PDE4D: variants seen among roughly 807,000 people sequenced by gnomAD.
PDE4D encodes the protein phosphodiesterase 4D, also known as 3',5'-cyclic-AMP phosphodiesterase 4D.
PDE4D carries 24 observed loss-of-function variants against 87.4 expected under a neutral mutation model. The ratio of observed to expected loss-of-function variants is 0.27; its 90% CI spans 0.20 to 0.39. The LOEUF is 0.39. Among genes scored for constraint, PDE4D ranks in the 10% least tolerant of loss-of-function variants. The pLI is 1.00. For missense variants in PDE4D, 714 were observed against 1,041.0 expected (o/e 0.69, Z 4.32); for synonymous variants, 384 against 383.2 (o/e 1.00, Z -0.02).
intron 1 of PDE4D, among the ~76,000 whole-genome samples, chr5:59,284,011 T>C (rs1014854993): frequency 3.9e-5 from 6 of 152,244 alleles, no homozygotes; most frequent in Non-Finnish European, 7.4e-5. Flanking sequence ...CTCCCAGGGT[T>C]CCTCTGGGAT....
At chr5:60,099,310 T>C (rs567804921) in intron 2 of PDE4D, among the ~76,000 whole-genome samples, 3 of 152,076 alleles carry the variant, frequency 2.0e-5, no homozygotes, top group African/African-American at 7.2e-5. Context: ...GCCTGGAGCA[T>C]TTGAGCCTCA....
chr5:60,014,218 T>C (rs1226160375), intron 2 of PDE4D, among the ~76,000 whole-genome samples: 2 of 152,056 alleles, frequency 1.3e-5, no homozygotes, highest in Admixed American at 6.6e-5. Context: ...ACTGAAACTT[T>C]CTTGGACCAT....
chr5:59,307,055 G>A lies in PDE4D; in HGVS notation c.456-91087C>T, dbSNP rs1405414630. On this transcript the variant is annotated intron_variant, in intron 1 of 14. Transcript: ENST00000340635. ...GAACAGAGCCCTCAGAAATAATGCC[G>A]CATATCTACAACTATCTGATCTTTG... Among the ~76,000 whole-genome samples the A allele has an allele frequency of 7.0e-4, 64 of 91,094 alleles. 11 individuals are homozygous for A. Among genetic ancestry groups the A allele is most frequent in the East Asian group, 3.2e-3 (8 of 2,524 alleles). 59.8% of individuals were successfully genotyped at this position (91,094 alleles called of 152,430 possible).
At chr5:59,784,634 A>C (rs950579468) in intron 1 of PDE4D, among the ~76,000 whole-genome samples, 1 of 152,214 alleles carries the variant, frequency 6.6e-6, no homozygotes, top group African/African-American at 2.4e-5. Context: ...ACAAATGTAC[A>C]ATCAGTCATT....
chr5:59,613,050 G>A (rs1829206698), intron 1 of PDE4D, among the ~76,000 whole-genome samples: 1 of 152,186 alleles, frequency 6.6e-6, no homozygotes, highest in African/African-American at 2.4e-5. Context: ...CTCTGCTGAG[G>A]GGTGCAAAAC....
chr5:59,276,056 T>G (rs982130890), intron 1 of PDE4D: 2 of 976,144 alleles, frequency 2.0e-6, no homozygotes, highest in Non-Finnish European at 2.4e-6. Context: ...AGGCAGAAAC[T>G]ATTCCTCAAG....
intron 1 of PDE4D, among the ~76,000 whole-genome samples, chr5:59,312,135 C>T (rs973741856): frequency 1.3e-5 from 2 of 152,204 alleles, no homozygotes; most frequent in African/African-American, 4.8e-5. Flanking sequence ...GCCAACTGAA[C>T]TCGTCCAGGT....
chr5:59,666,221 A>G (rs1393276071), intron 1 of PDE4D, among the ~76,000 whole-genome samples: 1 of 152,148 alleles, frequency 6.6e-6, no homozygotes, highest in Non-Finnish European at 1.5e-5. Context: ...TCGGCCTTCC[A>G]AAGTGCTGAG....
At chr5:59,617,893 A>G (rs1054120493) in intron 1 of PDE4D, among the ~76,000 whole-genome samples, 4 of 152,162 alleles carry the variant, frequency 2.6e-5, no homozygotes, top group African/African-American at 7.2e-5. Context: ...TACCATACCA[A>G]TGAAGTGCTT....
At chr5:60,188,374 G>A (rs763678619) in intron 1 of PDE4D, 1 of 152,120 alleles carries the variant, frequency 6.6e-6, no homozygotes, top group Non-Finnish European at 1.5e-5. Context: ...ACACAGAGTG[G>A]GCTGCCTTGA....
At chr5:59,068,314 C>T (rs902465602) in intron 5 of PDE4D, among the ~76,000 whole-genome samples, 2 of 152,078 alleles carry the variant, frequency 1.3e-5, no homozygotes, top group African/African-American at 4.8e-5. Context: ...ACAATTGAGA[C>T]ACTAAAACTT....
At chr5:60,061,350 AAC>A (rs1771383453) in intron 2 of PDE4D, among the ~76,000 whole-genome samples, 2 of 152,136 alleles carry the variant, frequency 1.3e-5, no homozygotes, top group Admixed American at 1.3e-4. Context: ...AAGAGAATAA[AAC>A]ACCTAGGAAT....
chr5:60,396,007 A>C (rs553676020), intron 1 of PDE4D, among the ~76,000 whole-genome samples: 15 of 152,158 alleles, frequency 9.9e-5, no homozygotes, highest in Non-Finnish European at 2.2e-4. Flanking sequence ...TTACCAAGAG[A>C]ATCAGCTACT....
intron 2 of PDE4D, among the ~76,000 whole-genome samples, chr5:60,148,505 T>G (rs950477764): frequency 1.3e-5 from 2 of 152,074 alleles, no homozygotes; most frequent in East Asian, 3.9e-4. Context: ...ATCCACTGGG[T>G]TTTGTATCTG....
chr5:59,931,281 T>G (rs1755887151), intron 3 of PDE4D, among the ~76,000 whole-genome samples: 1 of 152,252 alleles, frequency 6.6e-6, no homozygotes, highest in African/African-American at 2.4e-5. Flanking sequence ...AAATAGTATT[T>G]GTTTTAAGGC....
At chr5:59,975,168 C>A (rs963920276) in intron 3 of PDE4D, among the ~76,000 whole-genome samples, 8 of 152,180 alleles carry the variant, frequency 5.3e-5, no homozygotes, top group Non-Finnish European at 1.0e-4. Context: ...GTTTCTCATT[C>A]ACTGAAAACT....
At chr5:59,041,949 C>T (rs1037733861) in intron 5 of PDE4D, among the ~76,000 whole-genome samples, 5 of 152,170 alleles carry the variant, frequency 3.3e-5, no homozygotes, top group Non-Finnish European at 7.3e-5. Context: ...CAATTTACTT[C>T]AGAATATCCA....
chr5:60,317,934 C>T (rs188092673), intron 1 of PDE4D, among the ~76,000 whole-genome samples: 21 of 152,206 alleles, frequency 1.4e-4, no homozygotes, highest in Admixed American at 5.2e-4. Context: ...GGAATAAGTG[C>T]GGTGTGGTAC....
chr5:59,270,643 A>AT lies in PDE4D; in HGVS notation c.456-54676dup, dbSNP rs1181379279. Among the ~76,000 whole-genome samples, 6 of 152,300 alleles carry AT rather than the reference A, an allele frequency of 3.9e-5. No individual in the cohort carries two copies. The East Asian group carries it at 1.2e-3, about 29-fold the overall frequency. On this transcript the variant is annotated intron_variant, in intron 1 of 14. Transcript: ENST00000340635. ...ACAACCAACAGTCTTTCACAAAGCTATTTTTCAACAACCAACAACGTCAAC... is the reference window on the plus strand; with the variant it reads ...ACAACCAACAGTCTTTCACAAAGCTATTTTTTCAACAACCAACAACGTCAAC...
Sources: allele counts gnomAD v4.1 joint callset (sites outside exome capture counted in the v4.1 genomes callset), GRCh38; gene constraint gnomAD v4.1.1; transcripts MANE v1.5; gene names NCBI Gene and HGNC (gene_info 2026-07-23, HGNC 2026-07-21).